The following DOCK4 variants were observed in gnomAD, a reference collection of about 807,000 sequenced individuals.
The protein encoded by DOCK4 is dedicator of cytokinesis protein 4.
DOCK4 carries 97 observed loss-of-function variants against 268.1 expected under a neutral mutation model. That is an observed-to-expected ratio of 0.36 (90% CI 0.31 to 0.43). The LOEUF is 0.43. Among genes scored for constraint, DOCK4 ranks in the 20% least tolerant of loss-of-function variants. The pLI is 1.00. For synonymous variants in DOCK4, 954 were observed against 887.2 expected (o/e 1.08, Z -1.34); for missense variants, 2,145 against 2,455.7 (o/e 0.87, Z 2.67).
chr7:112,130,103 C>A (rs567805314), intron 1 of DOCK4, among the ~76,000 whole-genome samples: 1 of 152,080 alleles, frequency 6.6e-6, no homozygotes, highest in Non-Finnish European at 1.5e-5. Context: ...AAATTTGAGC[C>A]GAGTTTGAAT....
At chr7:112,153,960 C>A (rs1370534993) in intron 1 of DOCK4, among the ~76,000 whole-genome samples, 2 of 152,066 alleles carry the variant, frequency 1.3e-5, no homozygotes, top group Admixed American at 1.3e-4. Context: ...CTTGTAGAAA[C>A]AATAATGTAG....
intron 42 of DOCK4, among the ~76,000 whole-genome samples, chr7:111,753,013 G>GGGGGT (rs1554581796): frequency 7.1e-6 from 1 of 141,722 alleles, no homozygotes; most frequent in African/African-American, 2.6e-5. Flanking sequence ...ATTGGGGGGG[G>GGGGGT]GGTCTGTGAT....
intron 1 of DOCK4, among the ~76,000 whole-genome samples, chr7:112,059,134 CTTTTTTTTTTTT>C (rs572050793): frequency 1.0e-5 from 1 of 98,978 alleles, no homozygotes; most frequent in Non-Finnish European, 1.8e-5. Context: ...GCAGCATTTC[CTTTTTTTTTTTT>C]TTTTTTTTTT....
chr7:111,968,724 G>A (rs1586526236), intron 8 of DOCK4, among the ~76,000 whole-genome samples: 1 of 119,498 alleles, frequency 8.4e-6, no homozygotes, highest in South Asian at 2.7e-4. Context: ...ATACCCAAAG[G>A]ACTATAAATC....
rs73717909 is a variant in DOCK4, at chr7:111,936,489, G to A, written c.978-861C>T. On this transcript the variant is annotated intron_variant, in intron 11 of 52. Transcript: ENST00000428084. ...TTAAAAACTGTCAGTGGTATGAATG[G>A]ATGGATGGATGGATGGATGGATGGA... is the stretch of plus-strand genomic sequence containing the variant. 0.011 allele frequency among the ~76,000 whole-genome samples: 697 copies of A among 65,802 alleles called. 4 individuals are homozygous for A. In the African/African-American group the frequency reaches 0.12, roughly 12 times the overall value. The allele number at this position is 65,802 out of a possible 152,430, so 43.2% of individuals were successfully genotyped here.
At chr7:112,017,605 C>T (rs1801921698) in intron 1 of DOCK4, among the ~76,000 whole-genome samples, 1 of 152,186 alleles carries the variant, frequency 6.6e-6, no homozygotes, top group African/African-American at 2.4e-5. Flanking sequence ...AACTTTGCCA[C>T]AACCTGGCGA....
chr7:111,849,555 T>C (rs971238474), intron 23 of DOCK4, among the ~76,000 whole-genome samples: 4 of 152,148 alleles, frequency 2.6e-5, no homozygotes, highest in Non-Finnish European at 5.9e-5. Flanking sequence ...CTTTATTTAT[T>C]TTGGCTTCTG....
At chr7:112,158,328 T>G (rs932588971) in intron 1 of DOCK4, among the ~76,000 whole-genome samples, 1 of 152,244 alleles carries the variant, frequency 6.6e-6, no homozygotes, top group South Asian at 2.1e-4. Flanking sequence ...TGCTTATACA[T>G]AGTATGAATT....
intron 39 of DOCK4, among the ~76,000 whole-genome samples, chr7:111,763,507 C>T (rs2133618731): frequency 6.6e-6 from 1 of 152,306 alleles, no homozygotes; most frequent in East Asian, 1.9e-4. Context: ...ATTCTATTTG[C>T]TAATGCAGTT....
At chr7:111,937,936 G>A (rs936538598) in intron 11 of DOCK4, among the ~76,000 whole-genome samples, 1 of 152,206 alleles carries the variant, frequency 6.6e-6, no homozygotes, top group African/African-American at 2.4e-5. Context: ...CACATGCAAA[G>A]TGCTTAACAC....
intron 1 of DOCK4, among the ~76,000 whole-genome samples, chr7:112,168,757 C>A (rs375046113): frequency 3.2e-4 from 49 of 152,206 alleles, no homozygotes; most frequent in African/African-American, 1.2e-3. Context: ...GTCAGGTGAA[C>A]GCTGACCATG....
intron 1 of DOCK4, among the ~76,000 whole-genome samples, chr7:112,145,254 G>A (rs1016837477): frequency 3.9e-5 from 6 of 152,142 alleles, no homozygotes; most frequent in East Asian, 1.9e-4. Flanking sequence ...AGGCATAAGT[G>A]TTCAGACTTA....
chr7:112,032,383 T>C (rs1250677961), intron 1 of DOCK4, among the ~76,000 whole-genome samples: 1 of 152,186 alleles, frequency 6.6e-6, no homozygotes, highest in Non-Finnish European at 1.5e-5. Flanking sequence ...CAACTACAAA[T>C]TAAGAAGTTA....
chr7:111,893,591 C>T (rs768879147), intron 16 of DOCK4, among the ~76,000 whole-genome samples: 1 of 152,182 alleles, frequency 6.6e-6, no homozygotes, highest in Non-Finnish European at 1.5e-5. Context: ...TATATCTTAT[C>T]GGGCAGCCTC....
chr7:111,995,637 A>G (rs1396985134), intron 4 of DOCK4, among the ~76,000 whole-genome samples: 7 of 152,162 alleles, frequency 4.6e-5, no homozygotes. Context: ...ATCAAGGGGA[A>G]ATTACTTCTT....
intron 42 of DOCK4, among the ~76,000 whole-genome samples, chr7:111,749,756 CT>C (rs1796508501): frequency 6.6e-6 from 1 of 152,110 alleles, no homozygotes; most frequent in Admixed American, 6.6e-5. Flanking sequence ...TCAAAAAATG[CT>C]GAAACAAAAC....
intron 43 of DOCK4, 109 bp downstream of exon 43, chr7:111,747,158 G>T: frequency 2.0e-6 from 2 of 988,236 alleles, no homozygotes; most frequent in Non-Finnish European, 2.9e-6. Context: ...GTCAATCGCA[G>T]CCCTATGTTT....
At chr7:112,120,434 A>C (rs1812631511) in intron 1 of DOCK4, among the ~76,000 whole-genome samples, 2 of 152,204 alleles carry the variant, frequency 1.3e-5, no homozygotes. Flanking sequence ...TGTCTGGATT[A>C]GTAATCTAGA....
chr7:111,794,982 C>A (rs1332206107), intron 30 of DOCK4, among the ~76,000 whole-genome samples: 1 of 152,106 alleles, frequency 6.6e-6, no homozygotes, highest in South Asian at 2.1e-4. Flanking sequence ...AGAGTAAATG[C>A]AAGAAAGCCA....
Sources: gnomAD v4.1 joint callset for allele counts (sites outside exome capture counted in the v4.1 genomes callset) on GRCh38, gnomAD v4.1.1 for gene constraint, MANE v1.5 for transcripts, NCBI Gene and HGNC (gene_info 2026-07-23, HGNC 2026-07-21) for gene names.